The following LRRK1 variants were observed in gnomAD, a reference collection of about 807,000 sequenced individuals.
The protein encoded by LRRK1 is leucine rich repeat kinase 1.
In LRRK1, 113 loss-of-function variants were observed where a neutral mutation model predicts 209.1. The observed-to-expected ratio is 0.54, with a 90% CI of 0.46 to 0.63. The LOEUF is 0.63. LRRK1 is among the 30% of genes least tolerant of loss of function. The probability of loss-of-function intolerance (pLI) is 0.00; values close to 1 mark genes in which losing one functional copy is unlikely to be tolerated. For missense variants in LRRK1, 2,284 were observed against 2,632.2 expected (o/e 0.87, Z 2.89); for synonymous variants, 1,144 against 1,099.7 (o/e 1.04, Z -0.80).
intron 2 of LRRK1, among the ~76,000 whole-genome samples, chr15:100,946,814 A>C (rs1040922037): frequency 6.6e-6 from 1 of 152,188 alleles, no homozygotes; most frequent in Non-Finnish European, 1.5e-5. Flanking sequence ...ATGTTGAACA[A>C]CATACCAATT....
intron 2 of LRRK1, among the ~76,000 whole-genome samples, chr15:100,961,022 G>C (rs545279819): frequency 3.3e-5 from 5 of 152,182 alleles, no homozygotes; most frequent in African/African-American, 9.7e-5. Flanking sequence ...GCTATAACTG[G>C]ATGCCAGAGA....
At chr15:101,017,828 G>A (rs914389543) in intron 12 of LRRK1, among the ~76,000 whole-genome samples, 8 of 151,958 alleles carry the variant, frequency 5.3e-5, no homozygotes, top group East Asian at 1.9e-4. Context: ...GGATGCTTGC[G>A]TGCGTTAATA....
chr15:101,076,052 A>G lies in LRRK1; in HGVS notation c.*7204A>G, dbSNP rs918990224. Reference sequence around the variant, plus strand: ...CTCCCAAACCCCAACCCCTTCTACAAAACAAGAACTCCTTTCCTTCCTAGG... The same window carrying G: ...CTCCCAAACCCCAACCCCTTCTACAGAACAAGAACTCCTTTCCTTCCTAGG... On this transcript the variant is annotated 3_prime_UTR_variant, in exon 34 of 34. Coordinates refer to ENST00000388948, the MANE Select transcript of LRRK1 (RefSeq NM_024652.6). The G allele has an allele frequency of 1.3e-5, 2 of 152,156 alleles. No individual in the cohort carries two copies. Among genetic ancestry groups the G allele is most frequent in the African/African-American group, 4.8e-5 (2 of 41,428 alleles). The allele number at this position is 152,156 out of a possible 1,614,324, so 9.4% of individuals were successfully genotyped here. A position where few individuals can be genotyped will look rare whatever the true frequency, so the allele number is the denominator to read the frequency against.
intron 3 of LRRK1, among the ~76,000 whole-genome samples, chr15:100,975,751 AAAT>A (rs1333323836): frequency 6.6e-6 from 1 of 152,252 alleles, no homozygotes; most frequent in Non-Finnish European, 1.5e-5. Context: ...AATCAATATG[AAAT>A]AATAACATAA....
chr15:101,056,560 AGATG>A (rs2035811507), intron 27 of LRRK1, among the ~76,000 whole-genome samples: 1 of 152,104 alleles, frequency 6.6e-6, no homozygotes, highest in Non-Finnish European at 1.5e-5. Flanking sequence ...TCGGATGGAT[AGATG>A]GATGGACAGA....
Position 101,024,921 on chromosome 15 carries a change from G to A in LRRK1, c.2186G>A (p.Gly729Glu). Residue 729 changes from glycine (G) to glutamate (E), a missense_variant, in exon 16 of 34, where the codon GGG (glycine) becomes GAG (glutamate). Physicochemically the swap from Gly to Glu is moderately conservative, Grantham distance 98. Around this residue, in one of 6 missense-constraint regions of LRRK1, gnomAD observed 780 missense variants for 985.2 expected, o/e 0.79. Transcript: ENST00000388948. The surrounding 1 kb of genome is among the most constrained non-coding windows in gnomAD (Gnocchi z 4.6). ...GTGGTGGTCTGGAACCTGGCGCTGG[G>A]GGAGGAGGCCGTGGCCAACCTCCAG... ...LYVVVWNLAL[G>E]EEAVANLQFW... 1.2e-6 allele frequency: 2 copies of A among 1,614,102 alleles called. No homozygotes were observed. The highest frequency in any genetic ancestry group is 1.1e-5 in the South Asian group (1 of 91,086).
rs1195336704 is a variant in LRRK1 at position 101,022,810 on chromosome 15, ACTTTT to A, written c.2067+219_2067+223del. Among the ~76,000 whole-genome samples the A allele has an allele frequency of 4.8e-4, 70 of 146,890 alleles. No homozygotes were observed. The highest frequency in any genetic ancestry group is 3.5e-3 in the Middle Eastern group (1 of 286). On this transcript the variant is annotated intron_variant, in intron 15 of 33. Coordinates refer to ENST00000388948, the MANE Select transcript of LRRK1 (RefSeq NM_024652.6). The surrounding 1 kb of genome is among the most constrained non-coding windows in gnomAD (Gnocchi z 4.0). ...ACTTTGTGATGTTTTCTTTTTCTTTACTTTTCTTTTTTTTTTTTCTTGAGACAGGG... is the reference window on the plus strand; with the variant it reads ...ACTTTGTGATGTTTTCTTTTTCTTTACTTTTTTTTTTTTCTTGAGACAGGG...
At chr15:100,985,494 T>A (rs2031820135) in intron 4 of LRRK1, among the ~76,000 whole-genome samples, 1 of 152,176 alleles carries the variant, frequency 6.6e-6, no homozygotes, top group Non-Finnish European at 1.5e-5. Context: ...CACTGTGCAA[T>A]GTAACTACAC....
At chr15:100,954,106 A>C (rs2042708769) in intron 2 of LRRK1, among the ~76,000 whole-genome samples, 1 of 151,964 alleles carries the variant, frequency 6.6e-6, no homozygotes, top group African/African-American at 2.4e-5. Flanking sequence ...AGTAGAAATG[A>C]GGTTTCATCA....
chr15:100,935,596 T>A (rs1447512015), intron 2 of LRRK1, among the ~76,000 whole-genome samples: 1 of 152,116 alleles, frequency 6.6e-6, no homozygotes, highest in African/African-American at 2.4e-5. Context: ...GCCAGAGCCC[T>A]GGAGAGAAGG....
rs148589254 is a variant in LRRK1, at chr15:101,076,532, A to G, written c.*7684A>G. The G allele has an allele frequency of 0.053, 8,019 of 152,292 alleles. 657 individuals are homozygous for G. The highest frequency in any genetic ancestry group is 0.18 in the African/African-American group (7,516 of 41,418). 9.4% of individuals were successfully genotyped at this position (152,292 alleles called of 1,614,324 possible). On this transcript the variant is annotated 3_prime_UTR_variant, in exon 34 of 34. Coordinates refer to ENST00000388948, the MANE Select transcript of LRRK1 (RefSeq NM_024652.6). ...TGATCACACTTGGTTTATGGATGGCAGTTCCACCAGGCCTAATGGCCACAC... is the reference window on the plus strand; with the variant it reads ...TGATCACACTTGGTTTATGGATGGCGGTTCCACCAGGCCTAATGGCCACAC...
In LRRK1 at chr15:100,977,874, A is replaced by T. The variant is rs114224131; in HGVS notation, c.261+3907A>T. 7.8e-3 allele frequency among the ~76,000 whole-genome samples: 1,191 copies of T among 152,364 alleles called. 17 individuals carry two copies. The highest frequency in any genetic ancestry group is 0.028 in the African/African-American group (1,144 of 41,586). ...GAAAGATCGCAAACTCACTGAGACAAGACAACCAAGAGATGCCAACACTAG... is the reference window on the plus strand; with the variant it reads ...GAAAGATCGCAAACTCACTGAGACATGACAACCAAGAGATGCCAACACTAG... On this transcript the variant is annotated intron_variant, in intron 3 of 33. Transcript: ENST00000388948.
intron 33 of LRRK1, chr15:101,067,434 T>TGTGTGC (rs1206624204): frequency 7.1e-5 from 12 of 168,148 alleles, no homozygotes; most frequent in African/African-American, 3.5e-4. Flanking sequence ...TGTGTGTGTG[T>TGTGTGC]GTGTGTGTGT....
At chr15:101,038,752 A>G (rs758615279) in intron 20 of LRRK1, among the ~76,000 whole-genome samples, 1 of 152,164 alleles carries the variant, frequency 6.6e-6, no homozygotes, top group Non-Finnish European at 1.5e-5. Flanking sequence ...GCCTCTTCTC[A>G]GTGTCAGAGG....
chr15:101,059,141 G>A (rs942856462), intron 29 of LRRK1, among the ~76,000 whole-genome samples: 2 of 152,158 alleles, frequency 1.3e-5, no homozygotes, highest in African/African-American at 4.8e-5. Context: ...TGTAACCCCA[G>A]CACTTTAGGA....
chr15:101,016,799 C>G (rs1445420806), intron 12 of LRRK1, among the ~76,000 whole-genome samples: 1 of 152,180 alleles, frequency 6.6e-6, no homozygotes, highest in Non-Finnish European at 1.5e-5. Context: ...TCTTGCAAAG[C>G]CCACATGGAT....
At chr15:101,032,523 A>G (rs1389754472) in intron 20 of LRRK1, among the ~76,000 whole-genome samples, 2 of 150,332 alleles carry the variant, frequency 1.3e-5, no homozygotes, top group Non-Finnish European at 2.9e-5. Flanking sequence ...AATGAAGTCT[A>G]ACTTTTAAAT....
Position 101,069,103 on chromosome 15 carries a change from A to G in LRRK1, c.*255A>G, listed in dbSNP as rs1332980148. On this transcript the variant is annotated 3_prime_UTR_variant, in exon 34 of 34. Transcript: ENST00000388948. Reference sequence around the variant, plus strand: ...TTACAGCCCCAGGGAAGACAGTGGTATCAGGCTGGGAGCGGCCTCCTCTGG... The same window carrying G: ...TTACAGCCCCAGGGAAGACAGTGGTGTCAGGCTGGGAGCGGCCTCCTCTGG... 6 of 377,882 alleles carry G rather than the reference A, an allele frequency of 1.6e-5. No homozygotes were observed. Among genetic ancestry groups the G allele is most frequent in the African/African-American group, 6.2e-5 (3 of 48,602 alleles). 23.4% of individuals were successfully genotyped at this position (377,882 alleles called of 1,614,324 possible). A position where few individuals can be genotyped will look rare whatever the true frequency, so the allele number is the denominator to read the frequency against.
At chr15:101,004,157 C>A (rs1175296200) in intron 6 of LRRK1, among the ~76,000 whole-genome samples, 1 of 152,122 alleles carries the variant, frequency 6.6e-6, no homozygotes, top group Non-Finnish European at 1.5e-5. Context: ...AATAAATTAA[C>A]CCCACAAATC....
Sources: gnomAD v4.1 joint callset for allele counts (sites outside exome capture counted in the v4.1 genomes callset) on GRCh38, gnomAD v4.1.1 for gene constraint, gnomAD v4.1.1 regional missense constraint, Gnocchi (gnomAD v3.1) non-coding constraint, MANE v1.5 for transcripts, NCBI Gene and HGNC (gene_info 2026-07-23, HGNC 2026-07-21) for gene names.